RIMS1: variants seen among roughly 807,000 people sequenced by gnomAD.
RIMS1 encodes regulating synaptic membrane exocytosis 1, also known as regulating synaptic membrane exocytosis protein 1.
RIMS1 carries 83 observed loss-of-function variants against 214.1 expected under a neutral mutation model. The observed-to-expected ratio is 0.39, with a 90% CI of 0.32 to 0.47. The LOEUF is 0.47. Ranked by LOEUF, RIMS1 falls within the 20% of genes least tolerant of loss-of-function variation. RIMS1 has a pLI of 0.99. For synonymous variants in RIMS1, 793 were observed against 786.8 expected (o/e 1.01, Z -0.13); for missense variants, 2,050 against 2,161.8 (o/e 0.95, Z 1.03).
intron 2 of RIMS1, among the ~76,000 whole-genome samples, chr6:72,003,634 G>A (rs1031159393): frequency 6.6e-6 from 1 of 151,986 alleles, no homozygotes; most frequent in African/African-American, 2.4e-5. Context: ...GTGTGTCTGT[G>A]TGTCTGTGTG....
At position 72,077,252 on chromosome 6, in the gene RIMS1, A is replaced by G. The variant is rs552362962; in HGVS notation, c.246-19697A>G. 3.3e-5 allele frequency among the ~76,000 whole-genome samples: 5 copies of G among 152,046 alleles called. No homozygotes were observed. In the South Asian group the frequency reaches 8.3e-4, roughly 25 times the overall value. ...GCGTGTCTGTATGTTTCTCTCTTTT[A>G]TTTGTCTTCCTAGCTATTAAAGCTA... is the stretch of plus-strand genomic sequence containing the variant. On this transcript the variant is annotated intron_variant, in intron 2 of 33. Coordinates refer to ENST00000521978, the MANE Select transcript of RIMS1 (RefSeq NM_014989.7).
At chr6:72,094,718 G>T (rs1327453496) in intron 2 of RIMS1, among the ~76,000 whole-genome samples, 1 of 151,936 alleles carries the variant, frequency 6.6e-6, no homozygotes, top group African/African-American at 2.4e-5. Flanking sequence ...TTACAATCTG[G>T]CTTTATTCCA....
intron 1 of RIMS1, among the ~76,000 whole-genome samples, chr6:71,957,203 A>T (rs1413779241): frequency 6.6e-6 from 1 of 152,152 alleles, no homozygotes; most frequent in African/African-American, 2.4e-5. Flanking sequence ...GAGATAGTTG[A>T]TGGACTGGTG....
chr6:72,376,534 T>G (rs752756150), intron 29 of RIMS1, among the ~76,000 whole-genome samples: 1 of 152,046 alleles, frequency 6.6e-6, no homozygotes, highest in African/African-American at 2.4e-5. Flanking sequence ...CAGGCAGATA[T>G]CGGGAGCTCA....
At chr6:72,258,852 G>T (rs147604382) in intron 17 of RIMS1, 134 bp from the exon 18 acceptor site, 1 of 831,942 alleles carries the variant, frequency 1.2e-6, no homozygotes, top group East Asian at 2.5e-5. Context: ...TCATTGATAA[G>T]TAGGTTTTGA....
At position 72,250,238 on chromosome 6, in the gene RIMS1, T is replaced by G. The variant is rs1590554300; in HGVS notation, c.2242-92T>G. The G allele has an allele frequency of 4.2e-6, 5 of 1,199,920 alleles. No individual in the cohort carries two copies. In the East Asian group the frequency reaches 1.3e-4, roughly 31 times the overall value. The allele number at this position is 1,199,920 out of a possible 1,614,324, so 74.3% of individuals were successfully genotyped here. On this transcript the variant is annotated intron_variant, in intron 12 of 33. Transcript: ENST00000521978. ...ATTGCATTATATTGTAATTCAAAAT[T>G]TCCTCATTTAAATATAACTTGAATT...
chr6:72,182,805 C>G lies in RIMS1; in HGVS notation c.1334C>G (p.Thr445Arg), dbSNP rs955231414. Residue 445 changes from threonine to arginine, a missense_variant, in exon 6 of 34, where the codon ACG (threonine) becomes AGG (arginine). By Grantham distance (71) the Thr-to-Arg change is moderately conservative. Around this residue, in one of 6 missense-constraint regions of RIMS1, gnomAD observed 882 missense variants for 828.9 expected, o/e 1.06. Coordinates refer to ENST00000521978, the MANE Select transcript of RIMS1 (RefSeq NM_014989.7). ...ETRAPGAKQL[T>R]NHSPPAPRHG... ...AGGGCGCCGGGCGCCAAGCAGCTAA[C>G]GAACCACAGCCCGCCGGCGCCCAGA... The G allele has an allele frequency of 5.8e-6, 9 of 1,548,432 alleles. No homozygotes were observed. Among genetic ancestry groups the G allele is most frequent in the Non-Finnish European group, 7.8e-6 (9 of 1,150,322 alleles).
At chr6:72,025,096 G>A (rs1277073019) in intron 2 of RIMS1, among the ~76,000 whole-genome samples, 1 of 151,864 alleles carries the variant, frequency 6.6e-6, no homozygotes, top group Non-Finnish European at 1.5e-5. Flanking sequence ...TAGAGACAGG[G>A]TTTCACCATG....
intron 4 of RIMS1, among the ~76,000 whole-genome samples, chr6:72,169,210 T>C (rs1257505244): frequency 1.3e-5 from 2 of 152,208 alleles, no homozygotes; most frequent in Non-Finnish European, 2.9e-5. Context: ...TTTATATTTT[T>C]ATCTTATTTT....
intron 2 of RIMS1, among the ~76,000 whole-genome samples, chr6:72,048,842 G>T (rs1328837221): frequency 6.6e-6 from 1 of 152,206 alleles, no homozygotes; most frequent in Non-Finnish European, 1.5e-5. Flanking sequence ...ACTGCAGTCT[G>T]TATAAGCCCT....
chr6:72,257,474 G>A (rs76206066), intron 16 of RIMS1, among the ~76,000 whole-genome samples: 259 of 152,048 alleles, frequency 1.7e-3, no homozygotes, highest in Middle Eastern at 6.8e-3. Flanking sequence ...CAGATTTGGC[G>A]ATTGGTTCTT....
At chr6:72,076,734 T>C (rs1290785781) in intron 2 of RIMS1, among the ~76,000 whole-genome samples, 1 of 152,046 alleles carries the variant, frequency 6.6e-6, no homozygotes. Context: ...ACTGAAATAA[T>C]ATTTTACATT....
At chr6:72,000,314 A>G (rs1446452137) in intron 2 of RIMS1, among the ~76,000 whole-genome samples, 1 of 152,208 alleles carries the variant, frequency 6.6e-6, no homozygotes, top group East Asian at 1.9e-4. Context: ...TTTTTCATCA[A>G]CTGAGTTCAA....
chr6:71,906,368 AAG>A (rs1649237733), intron 1 of RIMS1, among the ~76,000 whole-genome samples: 1 of 152,110 alleles, frequency 6.6e-6, no homozygotes, highest in African/African-American at 2.4e-5. Context: ...CAACAGCAAA[AAG>A]TGCTCATATG....
chr6:72,384,562 T>C (rs1386145876), intron 29 of RIMS1, among the ~76,000 whole-genome samples: 1 of 152,174 alleles, frequency 6.6e-6, no homozygotes, highest in Non-Finnish European at 1.5e-5. Flanking sequence ...TCCCCCACCT[T>C]AAAAGGTCCT....
intron 1 of RIMS1, among the ~76,000 whole-genome samples, chr6:71,920,440 A>C (rs568386913): frequency 1.3e-5 from 2 of 152,278 alleles, no homozygotes; most frequent in South Asian, 4.1e-4. Flanking sequence ...TTTTTCGTAA[A>C]CCTAAAATTA....
At chr6:72,077,489 G>C (rs893540014) in intron 2 of RIMS1, among the ~76,000 whole-genome samples, 1 of 152,212 alleles carries the variant, frequency 6.6e-6, no homozygotes, top group African/African-American at 2.4e-5. Flanking sequence ...CAGTTCAGAA[G>C]TGCTAAGGGG....
At chr6:72,376,544 A>G (rs2098385601) in intron 29 of RIMS1, among the ~76,000 whole-genome samples, 1 of 152,108 alleles carries the variant, frequency 6.6e-6, no homozygotes, top group Non-Finnish European at 1.5e-5. Flanking sequence ...TCGGGAGCTC[A>G]AGACCAGCCT....
At chr6:72,261,159 T>G in intron 19 of RIMS1, 3 of 1,032,678 alleles carry the variant, frequency 2.9e-6, no homozygotes, top group Non-Finnish European at 3.5e-6. Flanking sequence ...GTTTCATAAT[T>G]GTAAGTTTGC....
Sources: gnomAD v4.1 joint callset for allele counts (sites outside exome capture counted in the v4.1 genomes callset) on GRCh38, gnomAD v4.1.1 for gene constraint, gnomAD v4.1.1 regional missense constraint, MANE v1.5 for transcripts, NCBI Gene and HGNC (gene_info 2026-07-23, HGNC 2026-07-21) for gene names.